The following KIF1A variants were observed in gnomAD, a reference collection of about 807,000 sequenced individuals.
The protein encoded by KIF1A is kinesin family member 1A, also known as kinesin-like protein KIF1A.
A neutral mutation model predicts 227.3 loss-of-function variants in KIF1A; 46 were observed. The ratio of observed to expected loss-of-function variants is 0.20; its 90% CI spans 0.16 to 0.26. The LOEUF (loss-of-function observed/expected upper bound fraction) is 0.26. Among genes scored for constraint, KIF1A ranks in the 10% least tolerant of loss-of-function variants. The pLI is 1.00. For synonymous variants in KIF1A, 1,022 were observed against 1,012.8 expected, an observed-to-expected ratio of 1.01 and a Z score of -0.17; for missense variants, 1,683 against 2,485.9, an observed-to-expected ratio of 0.68 and a Z score of 6.87.
At chr2:240,756,878 G>T (rs772536659) in intron 27 of KIF1A, among the ~76,000 whole-genome samples, 1 of 152,250 alleles carries the variant, frequency 6.6e-6, no homozygotes. Context: ...GAGAATGACA[G>T]GACGGGCATC....
intron 47 of KIF1A, 44 bp downstream of exon 47, chr2:240,718,962 G>T: frequency 6.6e-7 from 1 of 1,525,988 alleles, no homozygotes; most frequent in African/African-American, 1.4e-5. Flanking sequence ...CTCCTGCCCT[G>T]CTAGGGTTCC....
intron 1 of KIF1A, among the ~76,000 whole-genome samples, chr2:240,814,106 G>C (rs1402256024): frequency 2.6e-5 from 4 of 151,994 alleles, no homozygotes; most frequent in Admixed American, 6.6e-5. Flanking sequence ...CAACCAAACA[G>C]ACCAACCCAT....
intron 37 of KIF1A, among the ~76,000 whole-genome samples, chr2:240,737,707 G>A (rs977770417): frequency 6.6e-6 from 1 of 152,170 alleles, no homozygotes; most frequent in African/African-American, 2.4e-5. Flanking sequence ...TGCACTGGGG[G>A]TGTCTGTCTG....
chr2:240,769,806 C>G (rs1219458101), intron 15 of KIF1A, 100 bp from the exon 16 acceptor site: 2 of 926,292 alleles, frequency 2.2e-6, no homozygotes, highest in Admixed American at 2.2e-5. Context: ...AAAGCACAAG[C>G]GCCATATTCC....
rs1251619340 is a variant in KIF1A at position 240,787,204 on chromosome 2, G to T, written c.429+47C>A. 5 of 1,487,216 alleles carry T rather than the reference G, an allele frequency of 3.4e-6. 1 individual carries two copies. The South Asian group carries it at 5.6e-5, about 17-fold the overall frequency. The allele number at this position is 1,487,216 out of a possible 1,614,324, so 92.1% of individuals were successfully genotyped here. A position where few individuals can be genotyped will look rare whatever the true frequency, so the allele number is the denominator to read the frequency against. On this transcript the variant is annotated intron_variant, in intron 5 of 48. Transcript: ENST00000498729. ...CAGAAAAGCACTGCCAGCCACACCA[G>T]ATTCCCAGCCCTGCCCCAGCGGCCA...
chr2:240,820,259 G>C (rs1399459976), upstream of KIF1A: 1 of 149,878 alleles, frequency 6.7e-6, no homozygotes, highest in Non-Finnish European at 1.5e-5. The surrounding 1 kb of genome is among the most constrained non-coding windows in gnomAD (Gnocchi z 6.2). Context: ...CCCCCGGCCC[G>C]GACCGCCCCG....
intron 10 of KIF1A, among the ~76,000 whole-genome samples, chr2:240,777,779 G>A (rs1187972587): frequency 6.6e-6 from 1 of 152,200 alleles, no homozygotes; most frequent in Non-Finnish European, 1.5e-5. Context: ...AGACGGGCCC[G>A]GCTCCTGCCG....
Position 240,816,213 on chromosome 2 carries a change from T to C in KIF1A, c.-61+3909A>G, listed in dbSNP as rs532022898. On this transcript the variant is annotated intron_variant, in intron 1 of 48. Transcript: ENST00000498729. ...GTGTGTATGCATGCGTGCATAAGCA[T>C]GTGTGTATGTGTGTTTGTATGTGAA... 1.9e-4 allele frequency among the ~76,000 whole-genome samples: 29 copies of C among 151,948 alleles called. 1 individual carries two copies. Among genetic ancestry groups the C allele is most frequent in the African/African-American group, 6.5e-4 (27 of 41,402 alleles).
rs747222344 is a variant in KIF1A, at chr2:240,714,092, C to G, written c.*3272G>C. On this transcript the variant is annotated 3_prime_UTR_variant, in exon 49 of 49. Transcript: ENST00000498729. ...ACCGGGGGTAAGGGAGTGTGCCTTC[C>G]GTGGTCCCCACATGGGTGAGGCTGG... 6.6e-6 allele frequency: 1 copy of G among 152,448 alleles called. No homozygotes were observed. Among genetic ancestry groups the G allele is most frequent in the Admixed American group, 6.5e-5 (1 of 15,288 alleles). 9.4% of individuals were successfully genotyped at this position (152,448 alleles called of 1,614,324 possible).
rs1017859248 is a variant in KIF1A, at chr2:240,736,221, C to G, written c.4007+842G>C. ...GGAGGCCCTCAAAGACGTTTTCCTA[C>G]AAACACAGCCATGGAGACACCTGCG... On this transcript the variant is annotated intron_variant, in intron 38 of 48. Coordinates refer to ENST00000498729, the MANE Select transcript of KIF1A (RefSeq NM_001244008.2). This position sits in a 1 kb window ranked among gnomAD's most constrained non-coding sequence, Gnocchi z 4.7. Among the ~76,000 whole-genome samples the G allele has an allele frequency of 6.6e-5, 10 of 152,170 alleles. No individual in the cohort carries two copies. The highest frequency in any genetic ancestry group is 2.4e-4 in the African/African-American group (10 of 41,438).
intron 38 of KIF1A, chr2:240,734,889 G>A (rs2047148608): frequency 3.6e-6 from 2 of 562,490 alleles, no homozygotes; most frequent in Admixed American, 2.5e-5. Flanking sequence ...CTGGGAGCGG[G>A]CAGGAGGCAA....
Position 240,788,346 on chromosome 2 carries a change from G to C in KIF1A, c.184-116C>G. 1 of 892,630 alleles carries C rather than the reference G, an allele frequency of 1.1e-6. No individual in the cohort carries two copies. The highest frequency in any genetic ancestry group is 1.8e-6 in the Non-Finnish European group (1 of 564,224). 55.3% of individuals were successfully genotyped at this position (892,630 alleles called of 1,614,324 possible). On this transcript the variant is annotated intron_variant, in intron 3 of 48. Transcript: ENST00000498729. The surrounding 1 kb of genome is among the most constrained non-coding windows in gnomAD (Gnocchi z 6.6). ...CCTCAGGGTGCCAGGGCAGCACAGT[G>C]GGGAGGGATGCCTGCCCCCCATCCT... is the stretch of plus-strand genomic sequence containing the variant.
Position 240,720,935 on chromosome 2 carries a change from C to A in KIF1A, c.4847G>T (p.Arg1616Leu). ...TCACCTCAGGTCAGTGGCACCGTAC[C>A]GCCCTTCAACCAGAGAGGGGCAAGT... The part of the protein sequence containing the change: ...SSTCPSLVEG[R>L]YGATDLRTPQ... The change falls in exon 45 of 49, where the codon CGG (arginine) becomes CTG (leucine). Residue 1616 changes from arginine (R) to leucine (L), a missense_variant. This residue lies in a region of KIF1A where 384 missense variants were observed against 410.1 expected (regional missense o/e 0.94). Coordinates refer to ENST00000498729, the MANE Select transcript of KIF1A (RefSeq NM_001244008.2). 1 of 1,584,640 alleles carries A rather than the reference C, an allele frequency of 6.3e-7. No homozygotes were observed. The highest frequency in any genetic ancestry group is 1.7e-4 in the Middle Eastern group (1 of 6,006).
rs553051978 is a variant in KIF1A, at chr2:240,736,948, C to T, written c.4007+115G>A. The stretch of plus-strand genomic sequence containing the variant: ...TCCTGCAGGTGCCAGGAGGGAGGGC[C>T]GGGAGAGCGTTGAGCGGGTCACCTT... On this transcript the variant is annotated intron_variant, in intron 38 of 48. Transcript: ENST00000498729. The surrounding 1 kb of genome is among the most constrained non-coding windows in gnomAD (Gnocchi z 4.7). The T allele has an allele frequency of 7.8e-4, 644 of 829,704 alleles. No homozygotes were observed. The highest frequency in any genetic ancestry group is 1.0e-3 in the Non-Finnish European group (500 of 493,028). The allele number at this position is 829,704 out of a possible 1,614,324, so 51.4% of individuals were successfully genotyped here.
At chr2:240,730,750 C>G (rs1239203092) in intron 38 of KIF1A, among the ~76,000 whole-genome samples, 1 of 152,234 alleles carries the variant, frequency 6.6e-6, no homozygotes, top group Non-Finnish European at 1.5e-5. Flanking sequence ...TGACACAACA[C>G]AGTCATGTGG....
At chr2:240,764,649 A>G (rs940468090) in intron 20 of KIF1A, among the ~76,000 whole-genome samples, 10 of 152,242 alleles carry the variant, frequency 6.6e-5, no homozygotes, top group Admixed American at 6.5e-4. Flanking sequence ...GTTCCAAGCC[A>G]ATGGTCACTT....
At chr2:240,720,194 G>GC in intron 45 of KIF1A, 1 of 365,010 alleles carries the variant, frequency 2.7e-6, no homozygotes, top group Non-Finnish European at 4.9e-6. Context: ...CCCACTCCAC[G>GC]CCCTTCTCCC....
At chr2:240,730,078 G>A (rs1037983461) in intron 38 of KIF1A, among the ~76,000 whole-genome samples, 2 of 152,212 alleles carry the variant, frequency 1.3e-5, no homozygotes, top group African/African-American at 4.8e-5. Flanking sequence ...GGGCCAGGAG[G>A]GTCCCTGGCA....
intron 38 of KIF1A, among the ~76,000 whole-genome samples, chr2:240,732,219 AG>A (rs1248631067): frequency 3.9e-5 from 3 of 76,220 alleles, no homozygotes; most frequent in Non-Finnish European, 7.5e-5. Context: ...TGAGGGGAGG[AG>A]GGGATGAGGC....
Sources: allele counts gnomAD v4.1 joint callset (sites outside exome capture counted in the v4.1 genomes callset), GRCh38; gene constraint gnomAD v4.1.1; regional missense constraint gnomAD v4.1.1; non-coding constraint Gnocchi (gnomAD v3.1); transcripts MANE v1.5; gene names NCBI Gene and HGNC (gene_info 2026-07-23, HGNC 2026-07-21).